The following MXI1 variants were observed in gnomAD, a reference collection of about 807,000 sequenced individuals.
The protein encoded by MXI1 is max-interacting protein 1.
In MXI1, 18 loss-of-function variants were observed where a neutral mutation model predicts 36.9. The observed-to-expected ratio is 0.49, with a 90% CI of 0.34 to 0.72. MXI1 has a LOEUF of 0.72. Among genes scored for constraint, MXI1 ranks in the 30% least tolerant of loss-of-function variants. The probability of loss-of-function intolerance (pLI) is 0.01; values close to 1 mark genes in which losing one functional copy is unlikely to be tolerated. For missense variants in MXI1, 304 were observed against 379.1 expected (o/e 0.80, Z 1.64); for synonymous variants, 160 against 146.7 (o/e 1.09, Z -0.65).
Position 110,208,039 on chromosome 10 carries a change from C to G in MXI1, c.231C>G (p.Leu77=). ...TTCTGCAGAACGTGCAGATTCTGCT[C>G]GAGGCCGCCAGCTACCTGGAGCAGA... ...NTFLQNVQIL[L]EAASYLEQIE... Residue 77 remains leucine (L), a synonymous_variant, in exon 1 of 6, where the codon CTC becomes CTG. Transcript: ENST00000332674. 3.1e-6 allele frequency: 5 copies of G among 1,602,918 alleles called. No homozygotes were observed. The highest frequency in any genetic ancestry group is 4.3e-6 in the Non-Finnish European group (5 of 1,174,792).
chr10:110,228,112 A>G (rs913810206), intron 1 of MXI1, 77 bp from the exon 2 acceptor site: 66 of 1,541,994 alleles, frequency 4.3e-5, no homozygotes, highest in South Asian at 6.7e-5. Context: ...TGTTACTGCA[A>G]AGACCTCGGA....
At chr10:110,280,123 A>C in intron 5 of MXI1, 38 bp downstream of exon 5, 3 of 1,506,122 alleles carry the variant, frequency 2.0e-6, no homozygotes, top group Non-Finnish European at 2.7e-6. Flanking sequence ...AATACTAAAC[A>C]TCTCTGTATC....
intron 5 of MXI1, among the ~76,000 whole-genome samples, chr10:110,280,696 A>G (rs2134474442): frequency 6.6e-6 from 1 of 152,144 alleles, no homozygotes; most frequent in South Asian, 2.1e-4. Flanking sequence ...AAAAAAAAGA[A>G]AAGAAATGAT....
intron 3 of MXI1, among the ~76,000 whole-genome samples, chr10:110,278,413 A>G (rs939216721): frequency 1.3e-5 from 2 of 152,172 alleles, no homozygotes; most frequent in African/African-American, 2.4e-5. Context: ...CGAGAGAGGA[A>G]GAGAAAAAAG....
chr10:110,263,188 G>C (rs1856576076), intron 3 of MXI1, among the ~76,000 whole-genome samples: 1 of 152,092 alleles, frequency 6.6e-6, no homozygotes, highest in South Asian at 2.1e-4. Context: ...ATAAATAGCT[G>C]AGTTTTTTTT....
intron 3 of MXI1, among the ~76,000 whole-genome samples, chr10:110,248,866 A>G (rs780200481): frequency 1.4e-4 from 21 of 152,186 alleles, no homozygotes; most frequent in South Asian, 8.3e-4. Context: ...CAACAAAAAT[A>G]AAACTCGAAT....
intron 3 of MXI1, among the ~76,000 whole-genome samples, chr10:110,274,293 G>T (rs1219413132): frequency 2.0e-5 from 3 of 151,782 alleles, no homozygotes; most frequent in African/African-American, 7.3e-5. Context: ...TCTCTAACAG[G>T]GTTAGTGGCT....
rs75731258 is a variant in MXI1 at position 110,279,742 on chromosome 10, A to T, written c.553-172A>T. 1.3e-3 allele frequency among the ~76,000 whole-genome samples: 202 copies of T among 152,350 alleles called. 5 individuals are homozygous for T. In the East Asian group the frequency reaches 0.026, roughly 19 times the overall value. ...AAAGACAAAACTATTTTTTATTTTT[A>T]AAAATATGTATTTATATGCATTCTC... On this transcript the variant is annotated intron_variant, in intron 4 of 5. Coordinates refer to ENST00000332674, the MANE Select transcript of MXI1 (RefSeq NM_130439.3).
chr10:110,232,034 C>T (rs1463992896), intron 2 of MXI1, among the ~76,000 whole-genome samples: 1 of 151,920 alleles, frequency 6.6e-6, no homozygotes, highest in Admixed American at 6.6e-5. Flanking sequence ...GATCTCAGCT[C>T]GCTGCAAGCT....
chr10:110,275,447 A>G (rs757307685), intron 3 of MXI1, among the ~76,000 whole-genome samples: 2 of 152,204 alleles, frequency 1.3e-5, no homozygotes, highest in Non-Finnish European at 2.9e-5. Flanking sequence ...TTGAAAAGGA[A>G]GAATAATTTT....
chr10:110,208,420 C>CT (rs769093791), intron 1 of MXI1: 3,457 of 133,856 alleles, frequency 0.026, 74 homozygotes, highest in East Asian at 0.058. Flanking sequence ...GCTTTTCTTC[C>CT]TTTTTTTTTT....
intron 3 of MXI1, among the ~76,000 whole-genome samples, chr10:110,266,348 T>C (rs1241746810): frequency 2.0e-5 from 3 of 152,160 alleles, no homozygotes; most frequent in Non-Finnish European, 2.9e-5. Flanking sequence ...GACCTCGTGA[T>C]CCGCCCACCT....
At chr10:110,210,164 G>C (rs955505066) in intron 1 of MXI1, 2 of 808,710 alleles carry the variant, frequency 2.5e-6, no homozygotes, top group Non-Finnish European at 3.0e-6. Context: ...TGCCCCGCGC[G>C]GGGCGGGCCC....
At chr10:110,231,371 C>T (rs4917555) in intron 2 of MXI1, among the ~76,000 whole-genome samples, 2 of 149,506 alleles carry the variant, frequency 1.3e-5, no homozygotes, top group Non-Finnish European at 3.0e-5. Flanking sequence ...CACCCCCCCC[C>T]CCTCAAAAAA....
intron 1 of MXI1, chr10:110,226,368 TGTGAGGTGCGCGCATGAG>T: frequency 7.7e-7 from 1 of 1,296,804 alleles, no homozygotes; most frequent in South Asian, 1.6e-5. Flanking sequence ...AGGGCACGCG[TGTGAGGTGCGCGCATGAG>T]GTGAGGTGTG....
chr10:110,273,199 C>T (rs1387506745), intron 3 of MXI1, among the ~76,000 whole-genome samples: 7 of 151,938 alleles, frequency 4.6e-5, no homozygotes, highest in Non-Finnish European at 8.8e-5. Flanking sequence ...AGGCATGTGC[C>T]ACCACGCCTG....
intron 3 of MXI1, 117 bp downstream of exon 3, chr10:110,244,974 G>T: frequency 2.0e-6 from 2 of 996,712 alleles, no homozygotes; most frequent in Admixed American, 2.7e-5. Flanking sequence ...CAGATGTATA[G>T]CCCATTGTGA....
intron 4 of MXI1, 46 bp from the exon 5 acceptor site, chr10:110,279,868 T>C: frequency 7.0e-7 from 1 of 1,432,842 alleles, no homozygotes; most frequent in South Asian, 1.5e-5. Flanking sequence ...GTTTTATTGT[T>C]TGTACTGGAC....
intron 1 of MXI1, among the ~76,000 whole-genome samples, chr10:110,219,018 G>A (rs946384394): frequency 6.6e-6 from 1 of 152,230 alleles, no homozygotes; most frequent in Admixed American, 6.5e-5. Flanking sequence ...AACTGCATTT[G>A]TCTGGGCGAG....
Sources: gnomAD v4.1 joint callset for allele counts (sites outside exome capture counted in the v4.1 genomes callset) on GRCh38, gnomAD v4.1.1 for gene constraint, MANE v1.5 for transcripts, NCBI Gene and HGNC (gene_info 2026-07-23, HGNC 2026-07-21) for gene names.